Variants in MDM2 observed in about 807,000 individuals in gnomAD.
MDM2 encodes E3 ubiquitin-protein ligase Mdm2.
In MDM2, 11 loss-of-function variants were observed where a neutral mutation model predicts 64.3. The observed-to-expected ratio is 0.17, with a 90% confidence interval of 0.11 to 0.28. The LOEUF (loss-of-function observed/expected upper bound fraction) is 0.28, where lower values mean the gene tolerates loss of function less well. MDM2 is among the 10% of genes least tolerant of loss of function. MDM2 has a pLI of 1.00. For missense variants in MDM2, 388 were observed against 577.1 expected (o/e 0.67, Z 3.36); for synonymous variants, 194 against 192.9 (o/e 1.01, Z -0.05).
Position 68,835,408 on chromosome 12 carries a change from C to T in MDM2, c.685-421C>T, listed in dbSNP as rs3730636. On this transcript the variant is annotated intron_variant, in intron 8 of 10. Coordinates refer to ENST00000258149, the MANE Select transcript of MDM2 (RefSeq NM_002392.6). ...AGTTGAGGAAGCAATCTAGATCTGG[C>T]GGGATTATCCATATTTAGTAAGGGA... Among the ~76,000 whole-genome samples, 919 of 152,170 alleles carry T rather than the reference C, an allele frequency of 6.0e-3. 12 individuals are homozygous for T. Among genetic ancestry groups the T allele is most frequent in the African/African-American group, 0.021 (864 of 41,504 alleles).
At chr12:68,812,730 A>C in intron 2 of MDM2, among the ~76,000 whole-genome samples, 1 of 152,194 alleles carries the variant, frequency 6.6e-6, no homozygotes, top group Middle Eastern at 3.4e-3. Context: ...GTTATAGGCA[A>C]GAGCCACCTC....
chr12:68,820,956 C>T lies in MDM2; in HGVS notation c.358+582C>T, dbSNP rs56386619. On this transcript the variant is annotated intron_variant, in intron 5 of 10. Transcript: ENST00000258149. Reference sequence around the variant, plus strand: ...CAACCTACTTTCCATGAGAAAAGCCCTGATTTATGTGCTTGCTGACTTCCA... The same window carrying T: ...CAACCTACTTTCCATGAGAAAAGCCTTGATTTATGTGCTTGCTGACTTCCA... Among the ~76,000 whole-genome samples, 160 of 151,802 alleles carry T rather than the reference C, an allele frequency of 1.1e-3. 2 individuals are homozygous for T. The East Asian group carries it at 0.028, about 26-fold the overall frequency.
chr12:68,830,158 A>G (rs999742756), intron 8 of MDM2, among the ~76,000 whole-genome samples: 2 of 152,174 alleles, frequency 1.3e-5, no homozygotes, highest in Admixed American at 6.5e-5. Flanking sequence ...ACGGAAACCA[A>G]AGGATTGGAT....
rs944227394 is a variant in MDM2 at position 68,841,756 on chromosome 12, T to A, written c.*1907T>A. The stretch of plus-strand genomic sequence containing the variant: ...TTCAGAAATTTGATAAACAGAATTG[T>A]TATTTAAAAACTAACTGGAAAGATT... On this transcript the variant is annotated 3_prime_UTR_variant, in exon 11 of 11. Transcript: ENST00000258149. 4.9e-6 allele frequency: 1 copy of A among 205,226 alleles called. No individual in the cohort carries two copies. Among genetic ancestry groups the A allele is most frequent in the Admixed American group, 5.9e-5 (1 of 16,904 alleles). The allele number at this position is 205,226 out of a possible 1,614,324, so 12.7% of individuals were successfully genotyped here.
At chr12:68,835,780 AG>A (rs748303501) in intron 8 of MDM2, 48 bp from the exon 9 acceptor site, 3 of 1,541,122 alleles carry the variant, frequency 1.9e-6, no homozygotes, top group Non-Finnish European at 2.6e-6. Context: ...ACAGATACAG[AG>A]GTCAAGAGGT....
At chr12:68,829,028 A>C in intron 8 of MDM2, 97 bp downstream of exon 8, 1 of 1,216,998 alleles carries the variant, frequency 8.2e-7, no homozygotes, top group South Asian at 1.7e-5. Context: ...CATGTGTCTT[A>C]CGAGATTGAT....
At chr12:68,813,200 G>C (rs1881058888) in intron 2 of MDM2, among the ~76,000 whole-genome samples, 1 of 152,156 alleles carries the variant, frequency 6.6e-6, no homozygotes, top group Admixed American at 6.6e-5. Context: ...ATTGATAACA[G>C]GACCCACTCT....
chr12:68,811,841 C>G (rs1050928364), intron 2 of MDM2, among the ~76,000 whole-genome samples: 1 of 152,136 alleles, frequency 6.6e-6, no homozygotes, highest in Non-Finnish European at 1.5e-5. Context: ...ACCTCCTGAT[C>G]TGCCTGTCTT....
At chr12:68,815,648 G>A in intron 3 of MDM2, 1 of 414,938 alleles carries the variant, frequency 2.4e-6, no homozygotes, top group South Asian at 1.7e-5. Context: ...TCACTATGTT[G>A]CCCAGGCTGG....
chr12:68,848,772 G>C (rs1042862139), downstream of MDM2: 2 of 152,110 alleles, frequency 1.3e-5, no homozygotes, highest in Non-Finnish European at 2.9e-5. Context: ...GAGTGTAGTG[G>C]CATGATCTCG....
chr12:68,826,647 T>TC (rs756911468), intron 7 of MDM2, among the ~76,000 whole-genome samples: 1,204 of 91,066 alleles, frequency 0.013, 78 homozygotes, highest in African/African-American at 0.032. Context: ...AGACTCCCTC[T>TC]TAAAAAAAAA....
At chr12:68,834,578 A>C (rs986942287) in intron 8 of MDM2, among the ~76,000 whole-genome samples, 5 of 151,474 alleles carry the variant, frequency 3.3e-5, no homozygotes, top group Non-Finnish European at 4.4e-5. Flanking sequence ...CTCTACTAAA[A>C]ATACAAAAAT....
intron 7 of MDM2, among the ~76,000 whole-genome samples, chr12:68,825,472 T>G (rs1270644285): frequency 1.3e-5 from 2 of 152,044 alleles, no homozygotes; most frequent in East Asian, 3.9e-4. Context: ...TCTAACATGG[T>G]GAAACCCCAT....
chr12:68,836,090 T>TGAA, intron 9 of MDM2, 106 bp downstream of exon 9: 2 of 1,028,712 alleles, frequency 1.9e-6, no homozygotes, highest in Non-Finnish European at 1.4e-6. Flanking sequence ...ACTTGAAATC[T>TGAA]TTACCTCTTG....
rs550268037 is a variant in MDM2 at position 68,840,194 on chromosome 12, G to A, written c.*345G>A. On this transcript the variant is annotated 3_prime_UTR_variant, in exon 11 of 11. Transcript: ENST00000258149. ...GAGTCTTGCTCTGTTACCCAGGCTG[G>A]AGTGCAGTGGCGTGATCTTGGCTCA... is the stretch of plus-strand genomic sequence containing the variant. The A allele has an allele frequency of 1.2e-3, 267 of 231,140 alleles. 1 individual carries two copies. The highest frequency in any genetic ancestry group is 2.1e-3 in the Admixed American group (39 of 18,586). 14.3% of individuals were successfully genotyped at this position (231,140 alleles called of 1,614,324 possible).
intron 8 of MDM2, among the ~76,000 whole-genome samples, chr12:68,834,311 G>A (rs770704468): frequency 2.6e-5 from 4 of 152,108 alleles, no homozygotes; most frequent in Admixed American, 6.5e-5. Context: ...GTGTGGTAGT[G>A]GACACCTGTA....
chr12:68,811,294 G>C (rs1441675299), intron 2 of MDM2, among the ~76,000 whole-genome samples: 1 of 152,036 alleles, frequency 6.6e-6, no homozygotes, highest in Non-Finnish European at 1.5e-5. Flanking sequence ...TTTAACTTTT[G>C]TTGTTTACTA....
intron 10 of MDM2, among the ~76,000 whole-genome samples, chr12:68,836,990 T>C (rs1883361452): frequency 6.6e-6 from 1 of 150,678 alleles, no homozygotes; most frequent in African/African-American, 2.4e-5. Context: ...GGTCTTACCC[T>C]TCTCCCAAGC....
intron 8 of MDM2, among the ~76,000 whole-genome samples, chr12:68,834,759 TG>T (rs1435538235): frequency 2.0e-5 from 3 of 152,054 alleles, no homozygotes; most frequent in African/African-American, 7.2e-5. Flanking sequence ...ATAAGTTAAA[TG>T]ATGTTGTTTA....
Sources: gnomAD v4.1 joint callset for allele counts (sites outside exome capture counted in the v4.1 genomes callset) on GRCh38, gnomAD v4.1.1 for gene constraint, MANE v1.5 for transcripts, NCBI Gene and HGNC (gene_info 2026-07-23, HGNC 2026-07-21) for gene names.